Variants in ANO1 observed in about 807,000 individuals in gnomAD.
ANO1 encodes anoctamin-1.
ANO1 carries 59 observed loss-of-function variants against 124.0 expected under a neutral mutation model. That is an observed-to-expected ratio of 0.48 (90% CI 0.39 to 0.59). ANO1 has a LOEUF of 0.59. Ranked by LOEUF, ANO1 falls within the 20% of genes least tolerant of loss-of-function variation. The pLI is 0.00. For missense variants in ANO1, 1,059 were observed against 1,328.0 expected (o/e 0.80, Z 3.15); for synonymous variants, 529 against 532.0 (o/e 0.99, Z 0.08).
intron 21 of ANO1, 64 bp from the exon 22 acceptor site, chr11:70,170,823 G>T: frequency 1.3e-6 from 2 of 1,546,614 alleles, no homozygotes; most frequent in East Asian, 2.4e-5. Flanking sequence ...ACACGGGGTG[G>T]TGGAGTCCCC....
At chr11:70,069,628 C>G (rs547969600) in intron 1 of ANO1, among the ~76,000 whole-genome samples, 2 of 152,276 alleles carry the variant, frequency 1.3e-5, no homozygotes, top group South Asian at 4.1e-4. Flanking sequence ...TTCCAGAAAG[C>G]CTGATTTCAG....
chr11:70,136,466 A>T (rs1170740331), intron 11 of ANO1, among the ~76,000 whole-genome samples: 1 of 118,366 alleles, frequency 8.4e-6, no homozygotes, highest in Non-Finnish European at 2.0e-5. Flanking sequence ...CCCTGGCCTC[A>T]GTCCTGATTT....
the ANO1 span, among the ~76,000 whole-genome samples, chr11:69,969,719 C>A: frequency 6.6e-6 from 1 of 152,206 alleles, no homozygotes; most frequent in East Asian, 1.9e-4. Context: ...GAGGCCGAGG[C>A]GGGTGGATCA....
chr11:70,097,460 C>G (rs911894705), intron 2 of ANO1, among the ~76,000 whole-genome samples: 9 of 152,350 alleles, frequency 5.9e-5, no homozygotes, highest in Non-Finnish European at 1.3e-4. Flanking sequence ...ATACCAGGCA[C>G]CGGCAATGAC....
At chr11:70,056,782 T>C (rs1857444646) in intron 1 of ANO1, among the ~76,000 whole-genome samples, 1 of 151,968 alleles carries the variant, frequency 6.6e-6, no homozygotes, top group African/African-American at 2.4e-5. Flanking sequence ...AGGTTAGGTA[T>C]GTTCAAAAGA....
chr11:70,065,536 C>T (rs1457703147), intron 1 of ANO1, among the ~76,000 whole-genome samples: 3 of 152,200 alleles, frequency 2.0e-5, no homozygotes, highest in African/African-American at 7.2e-5. Context: ...GAAGGCCCTG[C>T]AGGCCTGGCC....
intron 11 of ANO1, among the ~76,000 whole-genome samples, chr11:70,139,325 T>C (rs913171004): frequency 2.0e-5 from 3 of 150,580 alleles, no homozygotes; most frequent in African/African-American, 4.9e-5. Flanking sequence ...CCCGGCTAAT[T>C]TTTCTATTTT....
intron 1 of ANO1, among the ~76,000 whole-genome samples, chr11:70,027,623 A>T (rs1335981639): frequency 6.6e-6 from 1 of 152,236 alleles, no homozygotes; most frequent in Non-Finnish European, 1.5e-5. Context: ...CGCACACAGT[A>T]GGTCCGCAGT....
intron 1 of ANO1, among the ~76,000 whole-genome samples, chr11:70,001,415 C>T (rs950478722): frequency 6.6e-6 from 1 of 152,198 alleles, no homozygotes; most frequent in Non-Finnish European, 1.5e-5. Context: ...ACTGGAAGCT[C>T]CGCAGGGCCT....
intron 1 of ANO1, among the ~76,000 whole-genome samples, chr11:70,004,783 C>T (rs1203079002): frequency 2.6e-5 from 4 of 152,264 alleles, no homozygotes; most frequent in East Asian, 1.9e-4. Context: ...TTTACACTAG[C>T]GCACCTTTGA....
At chr11:70,183,759 T>G (rs2049011496) in intron 24 of ANO1, among the ~76,000 whole-genome samples, 1 of 152,188 alleles carries the variant, frequency 6.6e-6, no homozygotes, top group South Asian at 2.1e-4. Flanking sequence ...CAGTGCTGAA[T>G]AGGCCCTCGG....
At chr11:70,092,574 C>G (rs1182051941) in intron 2 of ANO1, among the ~76,000 whole-genome samples, 1 of 152,188 alleles carries the variant, frequency 6.6e-6, no homozygotes, top group Non-Finnish European at 1.5e-5. Context: ...AATGCAGGCT[C>G]TGGCTCAGCT....
intron 2 of ANO1, among the ~76,000 whole-genome samples, chr11:70,098,665 AG>A (rs1040917053): frequency 1.3e-5 from 2 of 152,180 alleles, no homozygotes; most frequent in African/African-American, 4.8e-5. Flanking sequence ...TCTGATCTTT[AG>A]GGGTGCAAAC....
chr11:70,138,956 C>A, intron 11 of ANO1, among the ~76,000 whole-genome samples: 1 of 152,196 alleles, frequency 6.6e-6, no homozygotes, highest in Middle Eastern at 3.4e-3. Context: ...GAGTAGGCCT[C>A]GGTGTCTCCT....
At chr11:70,121,736 T>C (rs2046286556) in intron 8 of ANO1, among the ~76,000 whole-genome samples, 1 of 147,296 alleles carries the variant, frequency 6.8e-6, no homozygotes, top group Non-Finnish European at 1.5e-5. Flanking sequence ...TCTGCTTCTG[T>C]CTCTGTCTCT....
intron 25 of ANO1, among the ~76,000 whole-genome samples, chr11:70,186,947 G>A (rs1305465937): frequency 2.0e-5 from 3 of 152,252 alleles, no homozygotes; most frequent in Non-Finnish European, 4.4e-5. Flanking sequence ...GCCAGAGACA[G>A]CCCAGCCTTA....
intron 1 of ANO1, among the ~76,000 whole-genome samples, chr11:69,994,143 G>A (rs1286525739): frequency 6.6e-6 from 1 of 151,414 alleles, no homozygotes; most frequent in Non-Finnish European, 1.5e-5. Flanking sequence ...CCTAAGCGGT[G>A]CATGGGCTAG....
intron 22 of ANO1, among the ~76,000 whole-genome samples, chr11:70,176,122 C>T (rs56060057): frequency 0.023 from 3,475 of 148,504 alleles, 58 homozygotes; most frequent in Middle Eastern, 0.04. Context: ...CGGGACAGGG[C>T]GACTTCCAGA....
chr11:70,083,210 G>T (rs1478496023), intron 1 of ANO1, among the ~76,000 whole-genome samples: 1 of 152,164 alleles, frequency 6.6e-6, no homozygotes, highest in Non-Finnish European at 1.5e-5. Flanking sequence ...TCTGTTGAAG[G>T]TTCACTCTAT....
Sources: allele counts gnomAD v4.1 joint callset (sites outside exome capture counted in the v4.1 genomes callset), GRCh38; gene constraint gnomAD v4.1.1; transcripts MANE v1.5; gene names NCBI Gene and HGNC (gene_info 2026-07-23, HGNC 2026-07-21).